The following RAB31 variants were observed in gnomAD, a reference collection of about 807,000 sequenced individuals.
RAB31 encodes ras-related protein Rab-31.
RAB31 carries 21 observed loss-of-function variants against 25.6 expected under a neutral mutation model. The observed-to-expected ratio is 0.82, with a 90% confidence interval of 0.58 to 1.18. The LOEUF (loss-of-function observed/expected upper bound fraction) is 1.18. Ranked by LOEUF, RAB31 falls within the 50% of genes most tolerant of loss-of-function variation. RAB31 has a pLI of 0.00. For synonymous variants in RAB31, 87 were observed against 84.0 expected (o/e 1.04, Z -0.20); for missense variants, 196 against 250.1 (o/e 0.78, Z 1.46).
At position 9,755,947 on chromosome 18, in the gene RAB31, A is replaced by G. The variant is rs556079693; in HGVS notation, c.40-19331A>G. ...GGTAAAATTTCTTAAACTAAGAGTA[A>G]TATTTTAGCATTTTTCTCCAAAGAG... On this transcript the variant is annotated intron_variant, in intron 1 of 6. Coordinates refer to ENST00000578921, the MANE Select transcript of RAB31 (RefSeq NM_006868.4). Among the ~76,000 whole-genome samples the G allele has an allele frequency of 3.9e-5, 6 of 152,340 alleles. No individual in the cohort carries two copies. In the East Asian group the frequency reaches 9.6e-4, roughly 24 times the overall value.
chr18:9,842,986 T>A (rs112640206), intron 5 of RAB31, among the ~76,000 whole-genome samples: 32 of 152,350 alleles, frequency 2.1e-4, no homozygotes, highest in African/African-American at 7.7e-4. Context: ...AGGATGGAGA[T>A]GTTGGGCTGT....
At chr18:9,804,218 G>T (rs1384323224) in intron 3 of RAB31, among the ~76,000 whole-genome samples, 1 of 152,350 alleles carries the variant, frequency 6.6e-6, no homozygotes, top group Non-Finnish European at 1.5e-5. Flanking sequence ...TTGCTCTCCA[G>T]TGCGTGTCCC....
intron 1 of RAB31, among the ~76,000 whole-genome samples, chr18:9,738,692 C>G (rs764507358): frequency 2.6e-5 from 4 of 152,092 alleles, no homozygotes; most frequent in Non-Finnish European, 4.4e-5. Context: ...TAAGTGTTTC[C>G]CGGGGTTCTG....
At chr18:9,828,966 G>A (rs2299840) in intron 5 of RAB31, among the ~76,000 whole-genome samples, 6,820 of 152,196 alleles carry the variant, frequency 0.045, 248 homozygotes, top group African/African-American at 0.099. Context: ...GATGTGGTGC[G>A]GGTGGCCCCT....
At chr18:9,815,057 T>A in intron 4 of RAB31, 59 bp from the exon 5 acceptor site, 3 of 1,223,270 alleles carry the variant, frequency 2.5e-6, no homozygotes, top group Non-Finnish European at 3.5e-6. Flanking sequence ...GTATTTCTGC[T>A]TAGTTGAAAT....
At chr18:9,761,558 A>C (rs2068288861) in intron 1 of RAB31, among the ~76,000 whole-genome samples, 1 of 152,178 alleles carries the variant, frequency 6.6e-6, no homozygotes, top group Admixed American at 6.5e-5. Flanking sequence ...GGGATCTCTT[A>C]CAACACTACA....
intron 6 of RAB31, among the ~76,000 whole-genome samples, chr18:9,851,049 T>C (rs2068786799): frequency 6.6e-6 from 1 of 152,168 alleles, no homozygotes; most frequent in Admixed American, 6.5e-5. Context: ...CTTTAGTTAG[T>C]AGCAGGTTAA....
At chr18:9,788,818 A>C (rs1289122637) in intron 2 of RAB31, among the ~76,000 whole-genome samples, 1 of 152,188 alleles carries the variant, frequency 6.6e-6, no homozygotes, top group Non-Finnish European at 1.5e-5. Context: ...TAAATTACAA[A>C]AATTAGCTGG....
chr18:9,730,263 C>T (rs919684505), intron 1 of RAB31, among the ~76,000 whole-genome samples: 2 of 150,608 alleles, frequency 1.3e-5, no homozygotes, highest in Non-Finnish European at 3.0e-5. Flanking sequence ...TAGTATTTTA[C>T]AAAGTCCTTC....
At chr18:9,710,802 G>A (rs1397687663) in intron 1 of RAB31, among the ~76,000 whole-genome samples, 5 of 152,166 alleles carry the variant, frequency 3.3e-5, no homozygotes, top group Non-Finnish European at 7.3e-5. Flanking sequence ...AGGTTGCAGT[G>A]AGCCGAAATC....
At chr18:9,771,759 G>C (rs574807393) in intron 1 of RAB31, among the ~76,000 whole-genome samples, 15 of 152,348 alleles carry the variant, frequency 9.8e-5, no homozygotes, top group Admixed American at 2.0e-4. Context: ...GAGAGGATTC[G>C]ATGGTGGTGT....
At position 9,755,603 on chromosome 18, in the gene RAB31, G is replaced by A. The variant is rs568050923; in HGVS notation, c.40-19675G>A. The stretch of plus-strand genomic sequence containing the variant: ...TCCTCTTTGAGCTTCAGCTCTTCTT[G>A]GGCTGGGGAACAGTTGAGGACACTG... On this transcript the variant is annotated intron_variant, in intron 1 of 6. Coordinates refer to ENST00000578921, the MANE Select transcript of RAB31 (RefSeq NM_006868.4). 3.3e-5 allele frequency among the ~76,000 whole-genome samples: 5 copies of A among 152,324 alleles called. No homozygotes were observed. The South Asian group carries it at 1.0e-3, about 32-fold the overall frequency.
intron 2 of RAB31, among the ~76,000 whole-genome samples, chr18:9,778,951 C>G (rs114922616): frequency 1.3e-5 from 2 of 151,956 alleles, no homozygotes; most frequent in African/African-American, 4.8e-5. Flanking sequence ...CATAAGGAAG[C>G]GAAAATATAT....
chr18:9,712,074 C>T (rs144306354), intron 1 of RAB31, among the ~76,000 whole-genome samples: 2 of 152,278 alleles, frequency 1.3e-5, no homozygotes, highest in African/African-American at 2.4e-5. Context: ...GAAAGTGGGC[C>T]GGGTGCCAGG....
intron 1 of RAB31, among the ~76,000 whole-genome samples, chr18:9,755,241 C>T (rs1191295544): frequency 6.6e-6 from 1 of 152,158 alleles, no homozygotes; most frequent in Non-Finnish European, 1.5e-5. Context: ...TGATGTGGAA[C>T]TTGGAATCTC....
intron 6 of RAB31, 59 bp from the exon 7 acceptor site, chr18:9,859,169 G>C (rs2068834359): frequency 2.9e-6 from 4 of 1,399,764 alleles, no homozygotes; most frequent in South Asian, 2.3e-5. Flanking sequence ...GTGAAAATCT[G>C]TGTGTGCAGT....
chr18:9,753,842 G>A (rs576783984), intron 1 of RAB31, among the ~76,000 whole-genome samples: 1 of 152,324 alleles, frequency 6.6e-6, no homozygotes. Context: ...ATACAACCAT[G>A]AACGTGTTTG....
At chr18:9,761,105 G>A (rs1344684536) in intron 1 of RAB31, among the ~76,000 whole-genome samples, 1 of 152,148 alleles carries the variant, frequency 6.6e-6, no homozygotes, top group East Asian at 1.9e-4. Flanking sequence ...AACTTCATTT[G>A]CTGATGGCAG....
At chr18:9,728,363 T>TG (rs1330373214) in intron 1 of RAB31, among the ~76,000 whole-genome samples, 1 of 152,204 alleles carries the variant, frequency 6.6e-6, no homozygotes, top group Non-Finnish European at 1.5e-5. Flanking sequence ...GTGAATGAAA[T>TG]GTATTTGTGG....
Sources: gnomAD v4.1 joint callset for allele counts (sites outside exome capture counted in the v4.1 genomes callset) on GRCh38, gnomAD v4.1.1 for gene constraint, MANE v1.5 for transcripts, NCBI Gene and HGNC (gene_info 2026-07-23, HGNC 2026-07-21) for gene names.